SFMBT2: variants seen among roughly 807,000 people sequenced by gnomAD.
SFMBT2 encodes Scm like with four mbt domains 2, also known as scm-like with four MBT domains protein 2.
A neutral mutation model predicts 110.1 loss-of-function variants in SFMBT2; 38 were observed. That is an observed-to-expected ratio of 0.35 (90% CI 0.27 to 0.45). The LOEUF is 0.45. Ranked by LOEUF, SFMBT2 falls within the 20% of genes least tolerant of loss-of-function variation. The pLI is 1.00. For missense variants in SFMBT2, 1,011 were observed against 1,094.9 expected, an observed-to-expected ratio of 0.92 and a Z score of 1.08; for synonymous variants, 425 against 425.4, an observed-to-expected ratio of 1.00 and a Z score of 0.01.
rs533784478 is a variant in SFMBT2, at chr10:7,179,455, C to T, written c.1809-3290G>A. Among the ~76,000 whole-genome samples the T allele has an allele frequency of 2.7e-5, 4 of 148,578 alleles. No individual in the cohort carries two copies. In the East Asian group the frequency reaches 5.9e-4, roughly 22 times the overall value. ...ACAACTGGGAACACCGTATGTTCCT[C>T]GTGTTGTGGGAAATGGAGAGTAAAA... On this transcript the variant is annotated intron_variant, in intron 16 of 20. Transcript: ENST00000397167.
At position 7,410,902 on chromosome 10, in the gene SFMBT2, G is replaced by A. The variant is rs535316053; in HGVS notation, c.-93C>T. On this transcript the variant is annotated 5_prime_UTR_variant, in exon 1 of 21. Coordinates refer to ENST00000397167, the MANE Select transcript of SFMBT2 (RefSeq NM_001387889.1). ...TGCCCTCGGCGTGGACCCAGGCCCC[G>A]GTCGCCGCCCGGGAGGGCACCGGCC... Among the ~76,000 whole-genome samples, 3 of 151,302 alleles carry A rather than the reference G, an allele frequency of 2.0e-5. No individual in the cohort carries two copies. The highest frequency in any genetic ancestry group is 3.9e-4 in the East Asian group (2 of 5,096).
intron 10 of SFMBT2, among the ~76,000 whole-genome samples, chr10:7,223,289 G>A (rs887401829): frequency 1.3e-5 from 2 of 152,074 alleles, no homozygotes; most frequent in African/African-American, 4.8e-5. Flanking sequence ...ATCTTCATCA[G>A]CACCTGGTAT....
intron 1 of SFMBT2, among the ~76,000 whole-genome samples, chr10:7,403,551 A>C (rs1181561411): frequency 6.6e-6 from 1 of 152,140 alleles, no homozygotes; most frequent in East Asian, 1.9e-4. Context: ...CTGAGGGGGG[A>C]GAATTGCTTG....
At chr10:7,207,483 A>AAGGAAGGAAGGAAGGAAAGGG (rs767459968) in intron 11 of SFMBT2, 2 of 154,862 alleles carry the variant, frequency 1.3e-5, no homozygotes, top group African/African-American at 5.0e-5. Context: ...GAAAGGAAGG[A>AAGGAAGGAAGGAAGGAAAGGG]AGGAAGGAAG....
intron 1 of SFMBT2, among the ~76,000 whole-genome samples, chr10:7,393,273 C>G (rs184269552): frequency 1.0e-3 from 159 of 152,018 alleles, no homozygotes; most frequent in African/African-American, 3.5e-3. Flanking sequence ...TCAGGTGATC[C>G]ACCCGTCTTG....
At chr10:7,354,176 C>A (rs1844424628) in intron 4 of SFMBT2, among the ~76,000 whole-genome samples, 1 of 152,030 alleles carries the variant, frequency 6.6e-6, no homozygotes. Context: ...ATGCCCCAGA[C>A]TCTTATCCCA....
intron 16 of SFMBT2, among the ~76,000 whole-genome samples, chr10:7,177,905 G>A (rs1437778398): frequency 1.3e-5 from 2 of 152,142 alleles, no homozygotes; most frequent in East Asian, 1.9e-4. Flanking sequence ...AAGCCACCAG[G>A]GGTGTACATG....
chr10:7,316,477 C>T (rs182465574), intron 4 of SFMBT2, among the ~76,000 whole-genome samples: 6 of 152,304 alleles, frequency 3.9e-5, no homozygotes, highest in African/African-American at 1.4e-4. Context: ...ACAAGGAACA[C>T]TCAGATGAGA....
Position 7,170,980 on chromosome 10 carries a change from C to T in SFMBT2, c.2492G>A (p.Arg831Lys). Residue 831 changes from arginine (R) to lysine (K), a missense_variant, in exon 20 of 21, where the codon AGG becomes AAG. Physicochemically the swap from Arg to Lys is conservative, Grantham distance 26 (BLOSUM62 2). Transcript: ENST00000397167. This position sits in a 1 kb window ranked among gnomAD's most constrained non-coding sequence, Gnocchi z 4.6. ...PLEWTVTDVVRFIKLTDCAPL... is the reference protein window; with the variant it reads ...PLEWTVTDVVKFIKLTDCAPL... ...GGCACAGTCTGTCAGCTTAATGAAC[C>T]TCACCACGTCGGTGACCGTCCACTC... The T allele has an allele frequency of 1.9e-6, 3 of 1,614,212 alleles. No individual in the cohort carries two copies. The highest frequency in any genetic ancestry group is 2.5e-6 in the Non-Finnish European group (3 of 1,180,036).
intron 10 of SFMBT2, among the ~76,000 whole-genome samples, chr10:7,221,120 C>T (rs1282695637): frequency 6.6e-6 from 1 of 151,994 alleles, no homozygotes; most frequent in Non-Finnish European, 1.5e-5. Context: ...GCCACCGTGC[C>T]CGGCTGCACC....
intron 11 of SFMBT2, among the ~76,000 whole-genome samples, chr10:7,218,657 G>A (rs921979437): frequency 2.6e-5 from 4 of 152,178 alleles, no homozygotes; most frequent in African/African-American, 9.7e-5. Flanking sequence ...TCGGACATGA[G>A]CTGACTTCTA....
At chr10:7,217,528 G>A (rs770340182) in intron 11 of SFMBT2, among the ~76,000 whole-genome samples, 3 of 152,048 alleles carry the variant, frequency 2.0e-5, no homozygotes, top group Non-Finnish European at 2.9e-5. Context: ...ATGATTCTGA[G>A]AAACAAGACT....
intron 4 of SFMBT2, among the ~76,000 whole-genome samples, chr10:7,296,562 G>A (rs1034115213): frequency 6.6e-6 from 1 of 152,188 alleles, no homozygotes; most frequent in African/African-American, 2.4e-5. Context: ...TTAGGTCTAT[G>A]AGAAAGAGAC....
intron 11 of SFMBT2, 192 bp from the exon 12 acceptor site, chr10:7,206,120 A>C: frequency 1.0e-6 from 1 of 985,388 alleles, no homozygotes; most frequent in Non-Finnish European, 1.2e-6. Context: ...CAGAGACAAA[A>C]CTCCTTGAAA....
chr10:7,241,717 T>C (rs561402410), intron 9 of SFMBT2, among the ~76,000 whole-genome samples: 1 of 152,202 alleles, frequency 6.6e-6, no homozygotes, highest in East Asian at 1.9e-4. Context: ...AGTATCCAAA[T>C]AGGCACATCC....
chr10:7,406,501 G>A (rs1324841876), intron 1 of SFMBT2, among the ~76,000 whole-genome samples: 1 of 150,458 alleles, frequency 6.6e-6, no homozygotes, highest in African/African-American at 2.4e-5. Flanking sequence ...GCTAGAGTGG[G>A]CAGCAATGGA....
At chr10:7,341,281 T>C (rs1004067986) in intron 4 of SFMBT2, among the ~76,000 whole-genome samples, 10 of 152,056 alleles carry the variant, frequency 6.6e-5, no homozygotes, top group African/African-American at 1.9e-4. Flanking sequence ...AAATGCAAAA[T>C]ATGGGGCAGC....
At chr10:7,389,716 T>TA (rs1845716792) in intron 1 of SFMBT2, among the ~76,000 whole-genome samples, 1 of 152,236 alleles carries the variant, frequency 6.6e-6, no homozygotes, top group Non-Finnish European at 1.5e-5. Flanking sequence ...TTAACCTCTC[T>TA]ACTCCTTGAA....
At chr10:7,297,556 C>CAGG (rs941028473) in intron 4 of SFMBT2, among the ~76,000 whole-genome samples, 5 of 151,934 alleles carry the variant, frequency 3.3e-5, no homozygotes, top group Non-Finnish European at 7.4e-5. Flanking sequence ...GGAGGAGAAG[C>CAGG]AGGAGGAGGA....
Sources: gnomAD v4.1 joint callset for allele counts (sites outside exome capture counted in the v4.1 genomes callset) on GRCh38, gnomAD v4.1.1 for gene constraint, Gnocchi (gnomAD v3.1) non-coding constraint, MANE v1.5 for transcripts, NCBI Gene and HGNC (gene_info 2026-07-23, HGNC 2026-07-21) for gene names.